Variants in COP1 observed in about 807,000 individuals in gnomAD.
COP1 encodes E3 ubiquitin-protein ligase COP1.
COP1 carries 24 observed loss-of-function variants against 101.3 expected under a neutral mutation model. The observed-to-expected ratio is 0.24, with a 90% CI of 0.17 to 0.33. The LOEUF (loss-of-function observed/expected upper bound fraction) is 0.33. Ranked by LOEUF, COP1 falls within the 10% of genes least tolerant of loss-of-function variation. The pLI is 1.00. For synonymous variants in COP1, 347 were observed against 341.9 expected (o/e 1.01, Z -0.17); for missense variants, 663 against 906.2 (o/e 0.73, Z 3.45).
intron 3 of COP1, among the ~76,000 whole-genome samples, chr1:176,168,383 G>A (rs1352223094): frequency 6.7e-6 from 1 of 149,464 alleles, no homozygotes; most frequent in African/African-American, 2.5e-5. Context: ...AGAGAGAAAG[G>A]TAGAGAAAAA....
intron 9 of COP1, among the ~76,000 whole-genome samples, chr1:176,087,934 G>A (rs1049376576): frequency 6.6e-6 from 1 of 152,132 alleles, no homozygotes; most frequent in Non-Finnish European, 1.5e-5. Context: ...CATAAAAAAG[G>A]ATGAGTTCAT....
At chr1:176,192,816 G>A (rs1420526162) in intron 1 of COP1, among the ~76,000 whole-genome samples, 1 of 152,124 alleles carries the variant, frequency 6.6e-6, no homozygotes, top group Non-Finnish European at 1.5e-5. Context: ...AGGGGTGAAA[G>A]AAATCTCCAA....
At chr1:176,048,846 G>A (rs1264727397) in intron 11 of COP1, among the ~76,000 whole-genome samples, 1 of 152,112 alleles carries the variant, frequency 6.6e-6, no homozygotes, top group Non-Finnish European at 1.5e-5. Flanking sequence ...TACATTACAG[G>A]GAGAAAACTG....
chr1:175,998,063 T>TAAAAAAAAAAAAAAAAAAAAAAAAA (rs57110017), intron 15 of COP1, among the ~76,000 whole-genome samples: 1 of 66,802 alleles, frequency 1.5e-5, no homozygotes, highest in African/African-American at 7.9e-5. Flanking sequence ...AGAGTATAAT[T>TAAAAAAAAAAAAAAAAAAAAAAAAA]AAAAAAAAAA....
chr1:175,985,694 T>C (rs1179926720), intron 18 of COP1, among the ~76,000 whole-genome samples: 1 of 152,238 alleles, frequency 6.6e-6, no homozygotes, highest in Non-Finnish European at 1.5e-5. Flanking sequence ...AATTCTTTCC[T>C]GTCTTGTTTG....
chr1:176,078,641 A>C (rs577084313), intron 11 of COP1, among the ~76,000 whole-genome samples: 9 of 151,730 alleles, frequency 5.9e-5, no homozygotes, highest in Non-Finnish European at 1.2e-4. Context: ...AAAAATTGAC[A>C]AGTGGGACCT....
At chr1:176,054,905 C>T (rs1673187652) in intron 11 of COP1, among the ~76,000 whole-genome samples, 1 of 152,204 alleles carries the variant, frequency 6.6e-6, no homozygotes, top group African/African-American at 2.4e-5. Flanking sequence ...TTCTCTTTAA[C>T]TCACTGGAAT....
chr1:176,101,679 T>G lies in COP1; in HGVS notation c.1026+14945A>C, dbSNP rs115515068. Among the ~76,000 whole-genome samples the G allele has an allele frequency of 9.3e-3, 1,415 of 152,304 alleles. 24 individuals are homozygous for G. Among genetic ancestry groups the G allele is most frequent in the African/African-American group, 0.032 (1,345 of 41,568 alleles). On this transcript the variant is annotated intron_variant, in intron 9 of 19. Transcript: ENST00000367669. ...ACTAGTAAAAGGTCTCGAGATTTTTTAGCTGTCCTCACACCCTCCCCACTT... is the reference window on the plus strand; with the variant it reads ...ACTAGTAAAAGGTCTCGAGATTTTTGAGCTGTCCTCACACCCTCCCCACTT...
intron 9 of COP1, among the ~76,000 whole-genome samples, chr1:176,092,078 C>A (rs764876368): frequency 1.1e-4 from 16 of 151,968 alleles, no homozygotes; most frequent in Non-Finnish European, 1.9e-4. Context: ...ATTTTTCAGG[C>A]AGAAATTGCC....
intron 15 of COP1, among the ~76,000 whole-genome samples, chr1:176,022,392 G>A (rs547966694): frequency 6.6e-5 from 10 of 152,080 alleles, no homozygotes; most frequent in African/African-American, 2.4e-4. Context: ...CAAAAGCAAT[G>A]TTTAAGAAAA....
intron 11 of COP1, among the ~76,000 whole-genome samples, chr1:176,048,538 T>C (rs1671911312): frequency 1.3e-5 from 2 of 152,222 alleles, no homozygotes; most frequent in Admixed American, 6.5e-5. Context: ...ACTATTCATC[T>C]ATCCCAACTC....
intron 15 of COP1, among the ~76,000 whole-genome samples, chr1:176,026,725 T>A (rs1251979715): frequency 1.3e-5 from 2 of 152,136 alleles, no homozygotes; most frequent in African/African-American, 4.8e-5. Context: ...TTCCTTTTTT[T>A]AAAAGTTGCT....
intron 8 of COP1, among the ~76,000 whole-genome samples, chr1:176,119,731 ACTT>A (rs1233785402): frequency 3.3e-5 from 5 of 152,218 alleles, no homozygotes; most frequent in Middle Eastern, 3.4e-3. Flanking sequence ...CTATACTACT[ACTT>A]AACTCCTGAC....
At chr1:175,987,488 T>C (rs183998972) in intron 17 of COP1, among the ~76,000 whole-genome samples, 312 of 152,282 alleles carry the variant, frequency 2.0e-3, no homozygotes, top group African/African-American at 7.3e-3. Context: ...TTAAATTACA[T>C]TTAGGAAGAT....
chr1:176,058,028 C>T lies in COP1; in HGVS notation c.1278-11704G>A, dbSNP rs892722586. Among the ~76,000 whole-genome samples the T allele has an allele frequency of 6.0e-5, 9 of 149,380 alleles. No individual in the cohort carries two copies. In the East Asian group the frequency reaches 1.2e-3, roughly 21 times the overall value. ...GAGCCCCTCCGCCCGGCAGCCGCCC[C>T]GTCTGAGAAGTGAGGAGGCCCTCCG... On this transcript the variant is annotated intron_variant, in intron 11 of 19. Transcript: ENST00000367669.
At chr1:176,174,855 A>C (rs2101910946) in intron 3 of COP1, among the ~76,000 whole-genome samples, 1 of 152,294 alleles carries the variant, frequency 6.6e-6, no homozygotes, top group Non-Finnish European at 1.5e-5. Context: ...CCTGAAAATT[A>C]TTCTTTAGCT....
At chr1:176,097,612 T>G (rs1240825573) in intron 9 of COP1, among the ~76,000 whole-genome samples, 1 of 152,106 alleles carries the variant, frequency 6.6e-6, no homozygotes, top group Non-Finnish European at 1.5e-5. Context: ...CTCAAGCCTG[T>G]AATCCTAGCA....
At chr1:176,000,077 A>C (rs1661216001) in intron 15 of COP1, among the ~76,000 whole-genome samples, 1 of 151,994 alleles carries the variant, frequency 6.6e-6, no homozygotes, top group Non-Finnish European at 1.5e-5. Flanking sequence ...CACTTTGTTG[A>C]CTGTTGCCTT....
At chr1:176,106,762 G>A (rs1443753966) in intron 9 of COP1, among the ~76,000 whole-genome samples, 1 of 152,188 alleles carries the variant, frequency 6.6e-6, no homozygotes, top group Non-Finnish European at 1.5e-5. Flanking sequence ...ACTGATTTGA[G>A]TAACAGCACA....
Sources: allele counts gnomAD v4.1 joint callset (sites outside exome capture counted in the v4.1 genomes callset), GRCh38; gene constraint gnomAD v4.1.1; transcripts MANE v1.5; gene names NCBI Gene and HGNC (gene_info 2026-07-23, HGNC 2026-07-21).